Variants in SLIT3 observed in about 807,000 individuals in gnomAD.
SLIT3 encodes slit homolog 3 protein.
A neutral mutation model predicts 184.0 loss-of-function variants in SLIT3; 68 were observed. The ratio of observed to expected loss-of-function variants is 0.37; its 90% confidence interval spans 0.30 to 0.45. The LOEUF is 0.45. Among genes scored for constraint, SLIT3 ranks in the 20% least tolerant of loss-of-function variants. The pLI is 1.00. For missense variants in SLIT3, 1,707 were observed against 2,026.0 expected (o/e 0.84, Z 3.02); for synonymous variants, 831 against 828.6 (o/e 1.00, Z -0.05).
chr5:168,931,077 T>C (rs1400099714), intron 4 of SLIT3, among the ~76,000 whole-genome samples: 1 of 152,176 alleles, frequency 6.6e-6, no homozygotes, highest in African/African-American at 2.4e-5. Context: ...TCCTGGTCCC[T>C]GTCAGGGAAA....
At chr5:169,070,874 TA>T (rs1183238709) in intron 4 of SLIT3, among the ~76,000 whole-genome samples, 3 of 151,838 alleles carry the variant, frequency 2.0e-5, no homozygotes, top group South Asian at 4.2e-4. Flanking sequence ...AAATTAACCT[TA>T]AAAAAACATT....
At chr5:168,772,296 C>T (rs10516050) in intron 14 of SLIT3, 25,280 of 160,696 alleles carry the variant, frequency 0.16, 2,070 homozygotes, top group Non-Finnish European at 0.17. Flanking sequence ...GAACCTATAA[C>T]ATACTGTGGT....
At chr5:168,872,842 G>T (rs974187824) in intron 5 of SLIT3, among the ~76,000 whole-genome samples, 7 of 151,856 alleles carry the variant, frequency 4.6e-5, no homozygotes, top group African/African-American at 1.7e-4. Context: ...GGGTTTCACC[G>T]TGTTAGCCAG....
intron 4 of SLIT3, among the ~76,000 whole-genome samples, chr5:169,066,545 G>C (rs1758353899): frequency 6.6e-6 from 1 of 152,186 alleles, no homozygotes; most frequent in Admixed American, 6.5e-5. Flanking sequence ...AATTCCCAGT[G>C]TTGGACAACA....
At chr5:168,947,037 T>C (rs935880353) in intron 4 of SLIT3, among the ~76,000 whole-genome samples, 1 of 152,186 alleles carries the variant, frequency 6.6e-6, no homozygotes, top group African/African-American at 2.4e-5. Flanking sequence ...CATTTTCTAG[T>C]TTCTATATAT....
At chr5:168,924,550 C>G (rs138326609) in intron 4 of SLIT3, among the ~76,000 whole-genome samples, 1 of 152,028 alleles carries the variant, frequency 6.6e-6, no homozygotes, top group South Asian at 2.1e-4. Flanking sequence ...GCCTCTGCCA[C>G]CCAGGCTGGA....
intron 5 of SLIT3, among the ~76,000 whole-genome samples, chr5:168,868,737 G>A (rs1307618150): frequency 1.6e-5 from 2 of 122,020 alleles, no homozygotes; most frequent in African/African-American, 3.2e-5. Flanking sequence ...GGCAGTGTGG[G>A]AATCTGCCTC....
chr5:169,231,365 T>C (rs990259878), intron 3 of SLIT3, among the ~76,000 whole-genome samples: 3 of 152,158 alleles, frequency 2.0e-5, no homozygotes, highest in Non-Finnish European at 2.9e-5. Flanking sequence ...CCCCTCTCCA[T>C]TCGCAACTCC....
intron 4 of SLIT3, among the ~76,000 whole-genome samples, chr5:169,043,987 T>A (rs1341638383): frequency 6.6e-6 from 1 of 152,198 alleles, no homozygotes; most frequent in African/African-American, 2.4e-5. Context: ...ATACTCTGGA[T>A]CCCAGATCAG....
At chr5:168,952,948 C>T (rs1273493517) in intron 4 of SLIT3, among the ~76,000 whole-genome samples, 3 of 152,166 alleles carry the variant, frequency 2.0e-5, no homozygotes, top group Non-Finnish European at 4.4e-5. Context: ...CAAGAACACA[C>T]ATCAGGGGTG....
intron 5 of SLIT3, among the ~76,000 whole-genome samples, chr5:168,860,646 G>A (rs1002726093): frequency 6.6e-6 from 1 of 151,998 alleles, no homozygotes; most frequent in African/African-American, 2.4e-5. Flanking sequence ...CCAATCCCAA[G>A]TCCATATCCT....
chr5:169,132,384 C>T (rs1208935862), intron 4 of SLIT3, among the ~76,000 whole-genome samples: 4 of 152,158 alleles, frequency 2.6e-5, no homozygotes, highest in African/African-American at 9.7e-5. Flanking sequence ...CATTAAAACA[C>T]AGGGTTGAGG....
At chr5:169,093,856 C>T (rs1294943412) in intron 4 of SLIT3, among the ~76,000 whole-genome samples, 2 of 151,988 alleles carry the variant, frequency 1.3e-5, no homozygotes, top group Non-Finnish European at 2.9e-5. Flanking sequence ...TTGAAGAGGC[C>T]TTATGAATTT....
At chr5:169,263,884 C>T (rs551104745) in intron 1 of SLIT3, among the ~76,000 whole-genome samples, 41 of 151,698 alleles carry the variant, frequency 2.7e-4, no homozygotes, top group Admixed American at 9.2e-4. Context: ...AGGATACTCC[C>T]CAACTTCCTC....
intron 15 of SLIT3, among the ~76,000 whole-genome samples, chr5:168,761,433 G>T (rs1394417725): frequency 6.6e-6 from 1 of 152,070 alleles, no homozygotes; most frequent in African/African-American, 2.4e-5. Context: ...TGTGAAATTA[G>T]AGAGGACAAC....
At chr5:169,025,533 G>A (rs1180826760) in intron 4 of SLIT3, among the ~76,000 whole-genome samples, 1 of 152,162 alleles carries the variant, frequency 6.6e-6, no homozygotes, top group Non-Finnish European at 1.5e-5. Context: ...TTTGCAAGAT[G>A]AATTCTGTGG....
intron 5 of SLIT3, 96 bp from the exon 6 acceptor site, chr5:168,844,751 G>C: frequency 9.3e-7 from 1 of 1,080,700 alleles, no homozygotes; most frequent in Non-Finnish European, 1.4e-6. Context: ...CCACCCCCTT[G>C]CAGGCGCTGC....
chr5:169,087,559 G>A (rs1208244513), intron 4 of SLIT3, among the ~76,000 whole-genome samples: 4 of 152,158 alleles, frequency 2.6e-5, no homozygotes, highest in South Asian at 4.2e-4. Flanking sequence ...TAACATGAGG[G>A]GAATAGTTAG....
chr5:169,161,333 T>C (rs1040197256), intron 4 of SLIT3, among the ~76,000 whole-genome samples: 9 of 152,226 alleles, frequency 5.9e-5, no homozygotes, highest in Non-Finnish European at 1.3e-4. Context: ...TACTCTGCCA[T>C]GCTGAAACTA....
Sources: allele counts gnomAD v4.1 joint callset (sites outside exome capture counted in the v4.1 genomes callset), GRCh38; gene constraint gnomAD v4.1.1; transcripts MANE v1.5; gene names NCBI Gene and HGNC (gene_info 2026-07-23, HGNC 2026-07-21).